PRRC2B: variants seen among roughly 807,000 people sequenced by gnomAD.
The protein encoded by PRRC2B is protein PRRC2B.
Under a neutral mutation model 242.3 loss-of-function variants are expected in PRRC2B, and 68 were observed. The ratio of observed to expected loss-of-function variants is 0.28; its 90% CI spans 0.23 to 0.34. PRRC2B has a LOEUF of 0.34. PRRC2B is among the 10% of genes least tolerant of loss of function. The probability of loss-of-function intolerance (pLI) is 1.00; values close to 1 mark genes in which losing one functional copy is unlikely to be tolerated. For synonymous variants in PRRC2B, 1,228 were observed against 1,173.6 expected, an observed-to-expected ratio of 1.05 and a Z score of -0.95; for missense variants, 2,835 against 2,954.8, an observed-to-expected ratio of 0.96 and a Z score of 0.94.
chr9:131,480,815 T>C (rs1200579487), intron 19 of PRRC2B, among the ~76,000 whole-genome samples: 2 of 151,890 alleles, frequency 1.3e-5, no homozygotes, highest in Admixed American at 6.6e-5. Flanking sequence ...ATTCAAAAAG[T>C]GGTCTGTGAG....
intron 1 of PRRC2B, among the ~76,000 whole-genome samples, chr9:131,381,198 AAGCGGTTG>A (rs1836755180): frequency 6.6e-6 from 1 of 152,230 alleles, no homozygotes; most frequent in African/African-American, 2.4e-5. Context: ...GAATATTCTC[AAGCGGTTG>A]AGCAGGAAGA....
chr9:131,430,052 T>TC (rs1223204916), intron 1 of PRRC2B, 42 bp from the exon 2 acceptor site: 216 of 661,882 alleles, frequency 3.3e-4, no homozygotes, highest in African/African-American at 1.8e-3. Flanking sequence ...TTTTTTTTTT[T>TC]TCTCTCTCTT....
chr9:131,467,813 T>C lies in PRRC2B; in HGVS notation c.1911+60T>C, dbSNP rs1588269668. The C allele has an allele frequency of 2.6e-6, 4 of 1,550,548 alleles. No individual in the cohort carries two copies. In the South Asian group the frequency reaches 4.7e-5, roughly 18 times the overall value. On this transcript the variant is annotated intron_variant, in intron 13 of 31. Transcript: ENST00000683519. ...CAGGCCTGAGTGCCGAGCAGATGTT[T>C]CCCCTCCTCGTCCCCATGCCCCACC...
chr9:131,396,652 C>T (rs1193384708), intron 1 of PRRC2B, among the ~76,000 whole-genome samples: 1 of 152,142 alleles, frequency 6.6e-6, no homozygotes. Context: ...TTATTTTTTC[C>T]TCTTCTCTTG....
At chr9:131,385,909 G>A (rs2131266733) in intron 1 of PRRC2B, among the ~76,000 whole-genome samples, 1 of 150,386 alleles carries the variant, frequency 6.6e-6, no homozygotes, top group East Asian at 2.0e-4. Flanking sequence ...TAGCCAGGAT[G>A]GTCTCAATCT....
intron 1 of PRRC2B, among the ~76,000 whole-genome samples, chr9:131,420,138 G>A (rs901482768): frequency 6.6e-6 from 1 of 152,024 alleles, no homozygotes; most frequent in Non-Finnish European, 1.5e-5. Flanking sequence ...TGTCTCCTTG[G>A]GGTGCGTGGT....
chr9:131,404,386 AT>A (rs966065690), intron 1 of PRRC2B, among the ~76,000 whole-genome samples: 1 of 151,674 alleles, frequency 6.6e-6, no homozygotes, highest in African/African-American at 2.4e-5. Context: ...TGCCTAGTTG[AT>A]TTTTTTGTAT....
Position 131,493,177 on chromosome 9 carries a change from C to T in PRRC2B, c.6473+917C>T, listed in dbSNP as rs117006297. ...TGCCCCACCGCCCTTTGCCTGTCCTCCATCACAGCATTCCACTCTTGTACC... is the reference window on the plus strand; with the variant it reads ...TGCCCCACCGCCCTTTGCCTGTCCTTCATCACAGCATTCCACTCTTGTACC... On this transcript the variant is annotated intron_variant, in intron 30 of 31. Transcript: ENST00000683519. 3.3e-3 allele frequency among the ~76,000 whole-genome samples: 499 copies of T among 152,258 alleles called. 2 individuals carry two copies. The highest frequency in any genetic ancestry group is 6.0e-3 in the Non-Finnish European group (411 of 68,020).
chr9:131,409,407 C>T (rs531957272), intron 1 of PRRC2B, among the ~76,000 whole-genome samples: 31 of 152,330 alleles, frequency 2.0e-4, no homozygotes, highest in Admixed American at 4.6e-4. Context: ...TGGTCTCGAA[C>T]GCCTGACCCC....
At chr9:131,462,596 T>C (rs181928527) in intron 11 of PRRC2B, among the ~76,000 whole-genome samples, 1 of 150,280 alleles carries the variant, frequency 6.7e-6, no homozygotes, top group African/African-American at 2.4e-5. Flanking sequence ...TCCCAGCACT[T>C]TGGGAGGCCG....
chr9:131,440,929 G>T (rs1158282015), intron 5 of PRRC2B, among the ~76,000 whole-genome samples: 1 of 152,062 alleles, frequency 6.6e-6, no homozygotes, highest in East Asian at 1.9e-4. Context: ...GTGAAACCCT[G>T]TCTCTACAAG....
At chr9:131,416,140 G>T (rs185505643) in intron 1 of PRRC2B, among the ~76,000 whole-genome samples, 1 of 150,116 alleles carries the variant, frequency 6.7e-6, no homozygotes, top group African/African-American at 2.5e-5. Context: ...ACAGTGTCTT[G>T]CTCTGTTGCC....
Position 131,491,454 on chromosome 9 carries a change from C to T in PRRC2B, c.6255C>T (p.Ser2085=), listed in dbSNP as rs377214366. The change falls in exon 29 of 32, where the codon TCC becomes TCT. Residue 2085 remains serine, a synonymous_variant. Transcript: ENST00000683519. ...QLTMPLPRYG[S]GQQPLILPQS... ...CCATGCCACTGCCTCGGTACGGCTC[C>T]GGGCAGCAGCCACTGATCCTGCCCC... The T allele has an allele frequency of 2.9e-5, 46 of 1,609,386 alleles. No homozygotes were observed. The highest frequency in any genetic ancestry group is 2.3e-4 in the African/African-American group (17 of 74,966).
intron 11 of PRRC2B, among the ~76,000 whole-genome samples, chr9:131,461,359 T>G (rs908851043): frequency 1.3e-5 from 2 of 152,118 alleles, no homozygotes; most frequent in African/African-American, 2.4e-5. Flanking sequence ...TCCCCTTGCC[T>G]GGGCTCTAAC....
In PRRC2B at chr9:131,420,453, T is replaced by TTTTCTTTCTTTCTTTCTTTC. The variant is rs148112779; in HGVS notation, c.-51-9617_-51-9598dup. ...TTTTCTTTTTTCTTTTTCTTTTTCTTTTTCTTTCTTTCTTTCTTTCTTTCT... is the reference window on the plus strand; with the variant it reads ...TTTTCTTTTTTCTTTTTCTTTTTCTTTTTCTTTCTTTCTTTCTTTCTTTCTTTCTTTCTTTCTTTCTTTCT... On this transcript the variant is annotated intron_variant, in intron 1 of 31. Coordinates refer to ENST00000683519, the MANE Select transcript of PRRC2B (RefSeq NM_013318.4). 5.9e-3 allele frequency among the ~76,000 whole-genome samples: 363 copies of TTTTCTTTCTTTCTTTCTTTC among 61,014 alleles called. 20 individuals are homozygous for TTTTCTTTCTTTCTTTCTTTC. Among genetic ancestry groups the TTTTCTTTCTTTCTTTCTTTC allele is most frequent in the South Asian group, 0.012 (14 of 1,176 alleles). 40.0% of individuals were successfully genotyped at this position (61,014 alleles called of 152,430 possible).
Position 131,436,722 on chromosome 9 carries a change from G to A in PRRC2B, c.396G>A (p.Glu132=). The A allele has an allele frequency of 6.2e-7, 1 of 1,612,266 alleles. No individual in the cohort carries two copies. The highest frequency in any genetic ancestry group is 8.5e-7 in the Non-Finnish European group (1 of 1,178,372). ...LQKPTQSISQ[E]NTNSVPGGPK... ...AACCGACACAGTCAATCAGTCAGGA[G>A]GTAGGTGCTGGGACCCCATCCCAAC... The change falls in exon 4 of 32, where the codon GAG becomes GAA. Residue 132 remains glutamate (E), a splice_region_variant and synonymous_variant. Transcript: ENST00000683519.
At chr9:131,434,514 G>A (rs190540653) in intron 3 of PRRC2B, among the ~76,000 whole-genome samples, 13 of 152,372 alleles carry the variant, frequency 8.5e-5, no homozygotes, top group East Asian at 7.7e-4. Flanking sequence ...GGCCCACAAC[G>A]TGGGGACTCA....
At chr9:131,423,529 CG>C (rs1837901321) in intron 1 of PRRC2B, among the ~76,000 whole-genome samples, 1 of 152,154 alleles carries the variant, frequency 6.6e-6, no homozygotes, top group Non-Finnish European at 1.5e-5. Context: ...CGCACTCAGC[CG>C]GTCAGTGGAG....
intron 2 of PRRC2B, among the ~76,000 whole-genome samples, chr9:131,431,732 G>A (rs1012136339): frequency 1.3e-5 from 2 of 151,082 alleles, no homozygotes; most frequent in African/African-American, 2.4e-5. Context: ...GACTACAGGC[G>A]CCCGCCATCA....
Sources: gnomAD v4.1 joint callset for allele counts (sites outside exome capture counted in the v4.1 genomes callset) on GRCh38, gnomAD v4.1.1 for gene constraint, MANE v1.5 for transcripts, NCBI Gene and HGNC (gene_info 2026-07-23, HGNC 2026-07-21) for gene names.